Variants in CFAP47 observed in about 807,000 individuals in gnomAD.
CFAP47 encodes the protein cilia- and flagella-associated protein 47.
In CFAP47, 29 loss-of-function variants were observed where a neutral mutation model predicts 148.1. The observed-to-expected ratio is 0.20, with a 90% confidence interval of 0.15 to 0.27. The LOEUF (loss-of-function observed/expected upper bound fraction) is 0.27, where lower values mean the gene tolerates loss of function less well. Ranked by LOEUF, CFAP47 falls within the 10% of genes least tolerant of loss-of-function variation. The probability of loss-of-function intolerance (pLI) is 1.00; values close to 1 mark genes in which losing one functional copy is unlikely to be tolerated. For missense variants in CFAP47, 1,872 were observed against 1,697.5 expected (o/e 1.10, Z -1.81); for synonymous variants, 664 against 577.3 (o/e 1.15, Z -2.15).
Position 36,306,883 on chromosome X carries a change from T to C in CFAP47, c.8187+7T>C, listed in dbSNP as rs1941354742. ...CAACTTCTACTGTACTCAGGTATGA[T>C]AGAGTATTCTTGGACCAAACCAAGT... On this transcript the variant is annotated splice_region_variant and intron_variant, in intron 55 of 63. Coordinates refer to ENST00000378653, the MANE Select transcript of CFAP47 (RefSeq NM_001304548.2). 1 of 996,038 alleles carries C rather than the reference T, an allele frequency of 1.0e-6. No homozygotes were observed. Among genetic ancestry groups the C allele is most frequent in the Non-Finnish European group, 1.4e-6 (1 of 739,059 alleles). The allele number at this position is 996,038 out of a possible 1,213,427, so 82.1% of individuals were successfully genotyped here. A position where few individuals can be genotyped will look rare whatever the true frequency, so the allele number is the denominator to read the frequency against.
intron 2 of CFAP47, among the ~76,000 whole-genome samples, chrX:35,937,893 A>T (rs6418684): frequency 0.19 from 20,699 of 110,871 alleles, 1,593 homozygotes; most frequent in African/African-American, 0.28. Flanking sequence ...AAACTACATG[A>T]TTGATTTCTA....
chrX:36,087,641 A>G (rs1413610794), intron 30 of CFAP47, among the ~76,000 whole-genome samples: 2 of 112,082 alleles, frequency 1.8e-5, no homozygotes, highest in Admixed American at 9.5e-5. Context: ...CACTGGGAGC[A>G]TGGAATGGGG....
At chrX:36,018,854 C>T (rs1023272902) in intron 22 of CFAP47, among the ~76,000 whole-genome samples, 5 of 108,422 alleles carry the variant, frequency 4.6e-5, no homozygotes, top group Admixed American at 9.9e-5. Flanking sequence ...CAGAGGAATA[C>T]TGGCCTCATA....
chrX:36,097,468 T>C (rs1037643590), intron 30 of CFAP47, among the ~76,000 whole-genome samples: 6 of 111,745 alleles, frequency 5.4e-5, no homozygotes, highest in Non-Finnish European at 9.4e-5. Flanking sequence ...AAGTCTTTGT[T>C]ACTTTTTCAT....
chrX:36,288,110 CCA>C (rs1259466880), intron 51 of CFAP47, among the ~76,000 whole-genome samples: 1 of 111,775 alleles, frequency 8.9e-6, no homozygotes, highest in African/African-American at 3.2e-5. Context: ...ACTCAAATTT[CCA>C]CATTTTTTCT....
At chrX:36,243,026 G>A (rs1261362756) in intron 48 of CFAP47, among the ~76,000 whole-genome samples, 1 of 111,449 alleles carries the variant, frequency 9.0e-6, no homozygotes, top group Non-Finnish European at 1.9e-5. Context: ...GTAGTGGTGG[G>A]CTATTTTCTA....
intron 45 of CFAP47, among the ~76,000 whole-genome samples, chrX:36,213,738 A>AT (rs1940128221): frequency 8.9e-6 from 1 of 112,327 alleles, no homozygotes; most frequent in Non-Finnish European, 1.9e-5. Flanking sequence ...TTCTGTTTCC[A>AT]TTATGTTATG....
At chrX:36,368,791 A>G (rs1556020821) in intron 62 of CFAP47, among the ~76,000 whole-genome samples, 8 of 111,692 alleles carry the variant, frequency 7.2e-5, no homozygotes. Flanking sequence ...AATGTATATA[A>G]ATTACTCACC....
intron 61 of CFAP47, among the ~76,000 whole-genome samples, chrX:36,363,271 T>C (rs1941844138): frequency 9.0e-6 from 1 of 111,654 alleles, no homozygotes; most frequent in Non-Finnish European, 1.9e-5. Flanking sequence ...CCTTAGGTGA[T>C]TCCATCATTG....
At chrX:36,361,301 G>A (rs1237331992) in intron 60 of CFAP47, 29 bp from the exon 61 acceptor site, 3 of 870,896 alleles carry the variant, frequency 3.4e-6, no homozygotes, top group East Asian at 3.5e-5. Flanking sequence ...TAATTAAATT[G>A]AAATATATTT....
At chrX:36,082,957 A>T (rs1323724982) in intron 29 of CFAP47, among the ~76,000 whole-genome samples, 3 of 111,176 alleles carry the variant, frequency 2.7e-5, no homozygotes, top group African/African-American at 9.8e-5. Flanking sequence ...AGACCTTAGG[A>T]CCTAGTAAGT....
intron 5 of CFAP47, 55 bp from the exon 6 acceptor site, chrX:35,951,748 A>G: frequency 9.7e-7 from 1 of 1,030,994 alleles, no homozygotes; most frequent in Non-Finnish European, 1.3e-6. Flanking sequence ...AACCTCCTCA[A>G]AAATTTTTTT....
At position 36,046,897 on chromosome X, in the gene CFAP47, G is replaced by A. The variant is rs1298551231; in HGVS notation, c.4051G>A (p.Asp1351Asn). Reference sequence around the variant, plus strand: ...CCAGATTCCCACAGTAAGGCTTCTTGATGGTGAAGAGATTCACCCTCTTTC... The same window carrying A: ...CCAGATTCCCACAGTAAGGCTTCTTAATGGTGAAGAGATTCACCCTCTTTC... ...CVQIPTVRLL[D>N]GEEIHPLSVK... Residue 1351 changes from aspartate to asparagine, a missense_variant, in exon 26 of 64, where the codon GAT becomes AAT. By Grantham distance (23) the Asp-to-Asn change is conservative. Transcript: ENST00000378653. 1 of 1,164,201 alleles carries A rather than the reference G, an allele frequency of 8.6e-7. No individual in the cohort carries two copies. The highest frequency in any genetic ancestry group is 1.1e-6 in the Non-Finnish European group (1 of 871,116).
At chrX:35,944,822 G>A (rs772875860) in intron 3 of CFAP47, among the ~76,000 whole-genome samples, 7 of 111,706 alleles carry the variant, frequency 6.3e-5, no homozygotes, top group Admixed American at 2.9e-4. Context: ...TTGTGTGAGG[G>A]ACCCCTCATC....
chrX:36,198,300 T>C (rs7471419), intron 42 of CFAP47, among the ~76,000 whole-genome samples: 6,195 of 111,487 alleles, frequency 0.056, 480 homozygotes, highest in African/African-American at 0.19. Flanking sequence ...TCATAGAATT[T>C]AATGATTTTC....
At chrX:36,176,795 C>G (rs1939688088) in intron 39 of CFAP47, among the ~76,000 whole-genome samples, 1 of 111,980 alleles carries the variant, frequency 8.9e-6, no homozygotes. Flanking sequence ...ATCCCAGCTA[C>G]TTGGGAGGCT....
At chrX:36,150,247 C>T (rs1939292114) in intron 37 of CFAP47, among the ~76,000 whole-genome samples, 1 of 111,659 alleles carries the variant, frequency 9.0e-6, no homozygotes, top group Non-Finnish European at 1.9e-5. Context: ...TTGAAACCTC[C>T]AGAGAATAGT....
intron 49 of CFAP47, among the ~76,000 whole-genome samples, chrX:36,279,905 T>C (rs1377369422): frequency 1.8e-5 from 2 of 110,440 alleles, no homozygotes; most frequent in Non-Finnish European, 3.8e-5. Flanking sequence ...AGTTTCATCA[T>C]GTTGGCCAGG....
rs1229280796 is a variant in CFAP47, at chrX:35,976,882, C to A, written c.2713+969C>A. Among the ~76,000 whole-genome samples, 16 of 111,503 alleles carry A rather than the reference C, an allele frequency of 1.4e-4. No individual in the cohort carries two copies. The Admixed American group carries it at 1.5e-3, about 11-fold the overall frequency. On this transcript the variant is annotated intron_variant, in intron 15 of 63. Coordinates refer to ENST00000378653, the MANE Select transcript of CFAP47 (RefSeq NM_001304548.2). ...ACGTGCCCTGTATTTGTGAAGCATC[C>A]TCTTAACCTTGTTTCTGCCATTCCC...
Sources: gnomAD v4.1 joint callset for allele counts (sites outside exome capture counted in the v4.1 genomes callset) on GRCh38, gnomAD v4.1.1 for gene constraint, MANE v1.5 for transcripts, NCBI Gene and HGNC (gene_info 2026-07-23, HGNC 2026-07-21) for gene names.